Variants in DYM observed in about 807,000 individuals in gnomAD.
The protein encoded by DYM is dymeclin, also known as dyggve-Melchior-Clausen syndrome protein.
A neutral mutation model predicts 93.1 loss-of-function variants in DYM; 78 were observed. The ratio of observed to expected loss-of-function variants is 0.84; its 90% CI spans 0.70 to 1.01. The LOEUF is 1.01. Ranked by LOEUF, DYM falls within the 50% of genes least tolerant of loss-of-function variation. DYM has a pLI of 0.00. For synonymous variants in DYM, 321 were observed against 319.7 expected (o/e 1.00, Z -0.04); for missense variants, 789 against 845.0 (o/e 0.93, Z 0.82).
At chr18:49,377,559 C>G (rs2067624139) in intron 5 of DYM, among the ~76,000 whole-genome samples, 1 of 151,336 alleles carries the variant, frequency 6.6e-6, no homozygotes, top group South Asian at 2.1e-4. Flanking sequence ...GACTCCATCT[C>G]AAAAAAAATA....
In DYM at chr18:49,333,775, T is replaced by A. The variant is rs370414289; in HGVS notation, c.573A>T (p.Glu191Asp). ...VFLSCQLFHK[E>D]VLRQSISHKY... ...TGTGGCTGATGCTCTGTCGCAAAAC[T>A]TCTTTGTGGAAGAGTTGGCAGGAAA... Residue 191 changes from glutamate to aspartate, a missense_variant, in exon 7 of 18, where the codon GAA (glutamate) becomes GAT (aspartate). Coordinates refer to ENST00000675505, the MANE Select transcript of DYM (RefSeq NM_001353214.3). 384 of 1,614,042 alleles carry A rather than the reference T, an allele frequency of 2.4e-4. 2 individuals carry two copies. In the South Asian group the frequency reaches 2.5e-3, roughly 11 times the overall value.
chr18:49,259,060 A>C (rs1432609632), intron 11 of DYM, among the ~76,000 whole-genome samples: 4 of 151,994 alleles, frequency 2.6e-5, no homozygotes, highest in Non-Finnish European at 5.9e-5. Context: ...TACTCCTGCA[A>C]CCTTTCTCCG....
At chr18:49,161,552 C>T (rs1358630119) in intron 15 of DYM, among the ~76,000 whole-genome samples, 1 of 152,156 alleles carries the variant, frequency 6.6e-6, no homozygotes, top group Non-Finnish European at 1.5e-5. Flanking sequence ...GCCACCCTGG[C>T]CCCGATAGGG....
chr18:49,223,759 T>C (rs1209347304), intron 13 of DYM, among the ~76,000 whole-genome samples: 1 of 151,892 alleles, frequency 6.6e-6, no homozygotes, highest in Non-Finnish European at 1.5e-5. Flanking sequence ...TGACTAAAGA[T>C]AAGCAGGAAA....
At chr18:49,164,754 G>A (rs1032937158) in intron 14 of DYM, among the ~76,000 whole-genome samples, 3 of 152,138 alleles carry the variant, frequency 2.0e-5, no homozygotes, top group Non-Finnish European at 4.4e-5. Context: ...ACAGACTGAG[G>A]GATATTGGAG....
At chr18:49,408,490 A>C (rs2071794910) in intron 2 of DYM, among the ~76,000 whole-genome samples, 1 of 152,258 alleles carries the variant, frequency 6.6e-6, no homozygotes, top group African/African-American at 2.4e-5. Context: ...TGAATGTCGC[A>C]AATTATATTC....
At chr18:49,410,669 T>C (rs988673100) in intron 2 of DYM, among the ~76,000 whole-genome samples, 8 of 149,842 alleles carry the variant, frequency 5.3e-5, no homozygotes, top group Non-Finnish European at 1.0e-4. Context: ...AAAAATTAGC[T>C]GGGCATGGTA....
chr18:49,036,759 T>C lies in DYM; in HGVS notation c.*7296A>G, dbSNP rs966395570. 6.6e-6 allele frequency among the ~76,000 whole-genome samples: 1 copy of C among 152,104 alleles called. No homozygotes were observed. The highest frequency in any genetic ancestry group is 1.5e-5 in the Non-Finnish European group (1 of 68,030). Reference sequence around the variant, plus strand: ...GTGTAGAGACAGGAGGGTTTCACCATGTTATCCAGGCTGGCTCTTAAATAT... The same window carrying C: ...GTGTAGAGACAGGAGGGTTTCACCACGTTATCCAGGCTGGCTCTTAAATAT... On this transcript the variant is annotated 3_prime_UTR_variant, in exon 18 of 18. Coordinates refer to ENST00000675505, the MANE Select transcript of DYM (RefSeq NM_001353214.3).
rs76961468 is a variant in DYM, at chr18:49,251,147, T to C, written c.1460+5863A>G. Among the ~76,000 whole-genome samples, 7 of 152,356 alleles carry C rather than the reference T, an allele frequency of 4.6e-5. No individual in the cohort carries two copies. The East Asian group carries it at 1.3e-3, about 29-fold the overall frequency. ...ATCACAGTGAAGAGCACAGGTCAGATTTTTAACCTGATAGCAATAGGAAGC... is the reference window on the plus strand; with the variant it reads ...ATCACAGTGAAGAGCACAGGTCAGACTTTTAACCTGATAGCAATAGGAAGC... On this transcript the variant is annotated intron_variant, in intron 13 of 17. Transcript: ENST00000675505.
At chr18:49,175,955 T>C (rs2089324634) in intron 14 of DYM, among the ~76,000 whole-genome samples, 1 of 152,176 alleles carries the variant, frequency 6.6e-6, no homozygotes, top group South Asian at 2.1e-4. Context: ...ACATAATGTA[T>C]CTTAGCAAGA....
At chr18:49,349,773 T>G (rs1181937929) in intron 6 of DYM, among the ~76,000 whole-genome samples, 1 of 152,054 alleles carries the variant, frequency 6.6e-6, no homozygotes, top group African/African-American at 2.4e-5. Context: ...CTGGGTAACA[T>G]AGCAAGACCT....
At chr18:49,237,457 TACA>T (rs1443215721) in intron 13 of DYM, among the ~76,000 whole-genome samples, 2 of 152,232 alleles carry the variant, frequency 1.3e-5, no homozygotes, top group Admixed American at 6.5e-5. Flanking sequence ...TAGAGTGTTA[TACA>T]ACAAGACATC....
At chr18:49,148,359 A>C (rs971133403) in intron 15 of DYM, among the ~76,000 whole-genome samples, 13 of 152,142 alleles carry the variant, frequency 8.5e-5, no homozygotes, top group South Asian at 2.1e-4. Flanking sequence ...AAAAGAACAA[A>C]AAAAAAAAGA....
At chr18:49,067,740 C>T (rs242616) in intron 17 of DYM, among the ~76,000 whole-genome samples, 152,285 of 152,294 alleles carry the variant, frequency 1, 76,138 homozygotes, top group Middle Eastern at 1. Flanking sequence ...AAATAACACA[C>T]AACAAAATAA....
chr18:49,179,428 C>T (rs1441849571), intron 14 of DYM, among the ~76,000 whole-genome samples: 1 of 152,118 alleles, frequency 6.6e-6, no homozygotes, highest in African/African-American at 2.4e-5. Flanking sequence ...ATACTGAGTA[C>T]TTAAAATGTC....
At chr18:49,441,325 T>C (rs1465277360) in intron 1 of DYM, among the ~76,000 whole-genome samples, 1 of 75,390 alleles carries the variant, frequency 1.3e-5, no homozygotes, top group Non-Finnish European at 2.4e-5. Flanking sequence ...TATAATTATA[T>C]ATAATATAAT....
chr18:49,342,492 T>C (rs1490148418), intron 6 of DYM, among the ~76,000 whole-genome samples: 1 of 152,212 alleles, frequency 6.6e-6, no homozygotes, highest in East Asian at 1.9e-4. Flanking sequence ...AGTCTGCCTA[T>C]CACTAGCACT....
At chr18:49,128,938 C>A (rs897263185) in intron 15 of DYM, among the ~76,000 whole-genome samples, 1 of 152,062 alleles carries the variant, frequency 6.6e-6, no homozygotes, top group South Asian at 2.1e-4. Context: ...TGCTATTTAT[C>A]TTTGATACTC....
At chr18:49,104,770 A>G (rs145218065) in intron 16 of DYM, among the ~76,000 whole-genome samples, 16,082 of 152,198 alleles carry the variant, frequency 0.11, 1,117 homozygotes, top group East Asian at 0.26. Context: ...CCACTTGATC[A>G]TGGTGGATAA....
Sources: gnomAD v4.1 joint callset for allele counts (sites outside exome capture counted in the v4.1 genomes callset) on GRCh38, gnomAD v4.1.1 for gene constraint, MANE v1.5 for transcripts, NCBI Gene and HGNC (gene_info 2026-07-23, HGNC 2026-07-21) for gene names.